The following ZNF207 variants were observed in gnomAD, a reference collection of about 807,000 sequenced individuals.
ZNF207 encodes zinc finger protein 207.
A neutral mutation model predicts 60.2 loss-of-function variants in ZNF207; 24 were observed. The ratio of observed to expected loss-of-function variants is 0.40; its 90% CI spans 0.29 to 0.56. The LOEUF (loss-of-function observed/expected upper bound fraction) is 0.56, where lower values mean the gene tolerates loss of function less well. ZNF207 is among the 20% of genes least tolerant of loss of function. ZNF207 has a pLI of 0.49. For missense variants in ZNF207, 452 were observed against 636.6 expected (o/e 0.71, Z 3.12); for synonymous variants, 236 against 194.7 (o/e 1.21, Z -1.77).
At chr17:32,352,098 G>A (rs2041518702) in intron 2 of ZNF207, among the ~76,000 whole-genome samples, 186 bp downstream of exon 2, 2 of 152,138 alleles carry the variant, frequency 1.3e-5, no homozygotes, top group Admixed American at 6.6e-5. Context: ...CTCCGGAGTA[G>A]TTGGGACTAC....
At chr17:32,361,967 T>G (rs1275075689) in intron 6 of ZNF207, among the ~76,000 whole-genome samples, 2 of 152,172 alleles carry the variant, frequency 1.3e-5, no homozygotes, top group African/African-American at 4.8e-5. Context: ...TTAAGTGAAT[T>G]GGACACTGAT....
At position 32,362,958 on chromosome 17, in the gene ZNF207, C is replaced by T; in HGVS notation, c.644C>T (p.Pro215Leu). Residue 215 changes from proline to leucine, a missense_variant, in exon 7 of 12, where the codon CCA becomes CTA. Coordinates refer to ENST00000394670, the MANE Select transcript of ZNF207 (RefSeq NM_001098507.2). ...GGMMPPGPGIPPLMPGMPPGM... is the reference protein window; with the variant it reads ...GGMMPPGPGILPLMPGMPPGM... ...ATGATGCCACCTGGACCAGGAATAC[C>T]ACCTCTGATGCCTGGAATGCCACCA... 1.9e-6 allele frequency: 3 copies of T among 1,613,152 alleles called. No homozygotes were observed. Among genetic ancestry groups the T allele is most frequent in the Non-Finnish European group, 2.5e-6 (3 of 1,179,898 alleles).
At chr17:32,360,860 G>A (rs184832252) in intron 4 of ZNF207, 32 bp from the exon 5 acceptor site, 11 of 1,613,258 alleles carry the variant, frequency 6.8e-6, no homozygotes, top group Non-Finnish European at 8.5e-6. Flanking sequence ...TTTAATATTT[G>A]TTATTATTTT....
In ZNF207 at chr17:32,367,861, A is replaced by G. The variant is rs1905274982; in HGVS notation, c.1011A>G (p.Thr337=). The G allele has an allele frequency of 5.6e-6, 9 of 1,614,064 alleles. No homozygotes were observed. The highest frequency in any genetic ancestry group is 7.6e-6 in the Non-Finnish European group (9 of 1,180,040). ...PATTTEPPKP[T]FPAYTQSTAS... is the part of the protein sequence containing the mutation. ...CAACTACAGAACCCCCAAAGCCTACATTCCCTGCTTATACACAGTCTACAG... is the reference window on the plus strand; with the variant it reads ...CAACTACAGAACCCCCAAAGCCTACGTTCCCTGCTTATACACAGTCTACAG... Residue 337 remains threonine, a synonymous_variant, in exon 10 of 12, where the codon ACA becomes ACG. Coordinates refer to ENST00000394670, the MANE Select transcript of ZNF207 (RefSeq NM_001098507.2).
At chr17:32,363,751 A>C (rs1361644711) in intron 7 of ZNF207, among the ~76,000 whole-genome samples, 1 of 150,454 alleles carries the variant, frequency 6.6e-6, no homozygotes, top group African/African-American at 2.4e-5. Context: ...AGCTGGTCTC[A>C]AACTCCTGAC....
chr17:32,350,534 ACT>A (rs1316173145), intron 1 of ZNF207, among the ~76,000 whole-genome samples: 20 of 151,844 alleles, frequency 1.3e-4, no homozygotes, highest in African/African-American at 4.8e-4. Flanking sequence ...GGGTCGTGTG[ACT>A]CTGTGACTCA....
At position 32,366,761 on chromosome 17, in the gene ZNF207, C is replaced by T. The variant is rs1360367938; in HGVS notation, c.921+4C>T. ...TCTGTTTCCTAGCACAGCACAAGTA[C>T]GCAGGAAGTTGCAGTTTAAAATTGT... is the stretch of plus-strand genomic sequence containing the variant. On this transcript the variant is annotated splice_donor_region_variant and intron_variant, in intron 9 of 11. Coordinates refer to ENST00000394670, the MANE Select transcript of ZNF207 (RefSeq NM_001098507.2). 5 of 1,594,130 alleles carry T rather than the reference C, an allele frequency of 3.1e-6. No individual in the cohort carries two copies. In the South Asian group the frequency reaches 3.4e-5, roughly 11 times the overall value.
rs1226389293 is a variant in ZNF207, at chr17:32,365,629, G to A, written c.828+142G>A. On this transcript the variant is annotated intron_variant, in intron 8 of 11. Transcript: ENST00000394670. ...TATTTATTAAATATACTAAAAGGTGGCTTATCCACTTCCATGTTTACACAC... is the reference window on the plus strand; with the variant it reads ...TATTTATTAAATATACTAAAAGGTGACTTATCCACTTCCATGTTTACACAC... 4.1e-6 allele frequency: 3 copies of A among 728,742 alleles called. No homozygotes were observed. The Admixed American group carries it at 1.3e-4, about 32-fold the overall frequency. 45.1% of individuals were successfully genotyped at this position (728,742 alleles called of 1,614,324 possible).
At chr17:32,365,237 A>T in intron 7 of ZNF207, 93 bp from the exon 8 acceptor site, 1 of 1,321,356 alleles carries the variant, frequency 7.6e-7, no homozygotes, top group South Asian at 1.4e-5. Flanking sequence ...GTCATTGAGC[A>T]GTTAATTGTT....
At chr17:32,369,498 GT>G (rs763568955) in intron 11 of ZNF207, 44 bp downstream of exon 11, 1 of 1,605,872 alleles carries the variant, frequency 6.2e-7, no homozygotes, top group Non-Finnish European at 8.5e-7. Context: ...GATTTTCTAA[GT>G]TCACGCATAA....
chr17:32,369,290 C>T lies in ZNF207; in HGVS notation c.1165-5C>T, dbSNP rs199829684. 4 of 1,613,254 alleles carry T rather than the reference C, an allele frequency of 2.5e-6. No homozygotes were observed. In the Admixed American group the frequency reaches 6.7e-5, roughly 27 times the overall value. ...ATTTAGCCCTGCGCTTATTTTTATT[C>T]CCAGGAAGAGAGAAGGGCACAGTTA... On this transcript the variant is annotated splice_region_variant and splice_polypyrimidine_tract_variant and intron_variant, in intron 10 of 11. Coordinates refer to ENST00000394670, the MANE Select transcript of ZNF207 (RefSeq NM_001098507.2).
Position 32,361,389 on chromosome 17 carries a change from G to A in ZNF207, c.552-79G>A, listed in dbSNP as rs533676723. On this transcript the variant is annotated intron_variant, in intron 5 of 11. Transcript: ENST00000394670. ...CACTTTTACTTAAATATTGTTGGAT[G>A]TGAGAGGTATACAATACACTTTCCC... is the stretch of plus-strand genomic sequence containing the variant. 5.8e-6 allele frequency: 7 copies of A among 1,196,630 alleles called. No homozygotes were observed. In the African/African-American group the frequency reaches 9.2e-5, roughly 16 times the overall value. The allele number at this position is 1,196,630 out of a possible 1,614,324, so 74.1% of individuals were successfully genotyped here.
rs1286009653 is a variant in ZNF207, at chr17:32,362,120, TA to T, written c.599+616del. On this transcript the variant is annotated intron_variant, in intron 6 of 11. Coordinates refer to ENST00000394670, the MANE Select transcript of ZNF207 (RefSeq NM_001098507.2). ...TTTTGGTGGTAGTATTTCCTTTCTC[TA>T]AAAAAAAAAAGTGTGTGTGTGTGTG... is the stretch of plus-strand genomic sequence containing the variant. Among the ~76,000 whole-genome samples, 155 of 131,648 alleles carry T rather than the reference TA, an allele frequency of 1.2e-3. 3 individuals are homozygous for T. The highest frequency in any genetic ancestry group is 7.2e-3 in the East Asian group (36 of 4,986). 86.4% of individuals were successfully genotyped at this position (131,648 alleles called of 152,430 possible). A position where few individuals can be genotyped will look rare whatever the true frequency, so the allele number is the denominator to read the frequency against.
At chr17:32,357,351 A>T (rs12603888) in intron 2 of ZNF207, among the ~76,000 whole-genome samples, 30,862 of 72,584 alleles carry the variant, frequency 0.43, 5,479 homozygotes, top group East Asian at 0.67. Context: ...TATTATTATT[A>T]TTTTTTTTTT....
intron 2 of ZNF207, among the ~76,000 whole-genome samples, chr17:32,355,347 C>G (rs1357557380): frequency 1.3e-5 from 2 of 152,176 alleles, no homozygotes; most frequent in Non-Finnish European, 2.9e-5. Flanking sequence ...CGTGATAGCA[C>G]TACTCAGCTC....
At position 32,370,868 on chromosome 17, in the gene ZNF207, G is replaced by T. The variant is rs574424298; in HGVS notation, c.*1109G>T. 6.6e-6 allele frequency: 1 copy of T among 152,280 alleles called. No individual in the cohort carries two copies. Among genetic ancestry groups the T allele is most frequent in the South Asian group, 2.1e-4 (1 of 4,826 alleles). The allele number at this position is 152,280 out of a possible 1,614,324, so 9.4% of individuals were successfully genotyped here. On this transcript the variant is annotated 3_prime_UTR_variant, in exon 12 of 12. Transcript: ENST00000394670. ...TATATATTATTCTAAGTGTAATGCT[G>T]AGAATCTAAATGTGTCTCTGTTGGG...
In ZNF207 at chr17:32,370,623, T is replaced by C. The variant is rs1905425367; in HGVS notation, c.*864T>C. ...TCTTTATAATCACCCTTCCACCCTC[T>C]ATGGTGTCAGTACACATCACGTGTC... On this transcript the variant is annotated 3_prime_UTR_variant, in exon 12 of 12. Transcript: ENST00000394670. The C allele has an allele frequency of 6.6e-6, 1 of 152,232 alleles. No individual in the cohort carries two copies. Among genetic ancestry groups the C allele is most frequent in the African/African-American group, 2.4e-5 (1 of 41,466 alleles). 9.4% of individuals were successfully genotyped at this position (152,232 alleles called of 1,614,324 possible). A position where few individuals can be genotyped will look rare whatever the true frequency, so the allele number is the denominator to read the frequency against.
chr17:32,367,908 A>C lies in ZNF207; in HGVS notation c.1058A>C (p.Asn353Thr), dbSNP rs775894094. The C allele has an allele frequency of 6.2e-7, 1 of 1,614,176 alleles. No individual in the cohort carries two copies. Among genetic ancestry groups the C allele is most frequent in the Admixed American group, 1.7e-5 (1 of 60,018 alleles). Residue 353 changes from asparagine (N) to threonine (T), a missense_variant, in exon 10 of 12, where the codon AAT (asparagine) becomes ACT (threonine). By Grantham distance (65) the Asn-to-Thr change is moderately conservative. Around this residue, in one of 2 missense-constraint regions of ZNF207, gnomAD observed 390 missense variants for 461.4 expected, o/e 0.85. Coordinates refer to ENST00000394670, the MANE Select transcript of ZNF207 (RefSeq NM_001098507.2). ...QSTASTTSTT[N>T]STAAKPAASI... is the part of the protein sequence containing the mutation. Reference sequence around the variant, plus strand: ...ACAGCTTCAACAACTAGTACAACAAATAGTACTGCAGCTAAACCAGCGGCT... The same window carrying C: ...ACAGCTTCAACAACTAGTACAACAACTAGTACTGCAGCTAAACCAGCGGCT...
chr17:32,351,965 G>A, intron 2 of ZNF207, 53 bp downstream of exon 2: 1 of 1,463,266 alleles, frequency 6.8e-7, no homozygotes, highest in Non-Finnish European at 9.1e-7. Flanking sequence ...GAAACAACTT[G>A]AAAGAATAAT....
Sources: allele counts gnomAD v4.1 joint callset (sites outside exome capture counted in the v4.1 genomes callset), GRCh38; gene constraint gnomAD v4.1.1; regional missense constraint gnomAD v4.1.1; transcripts MANE v1.5; gene names NCBI Gene and HGNC (gene_info 2026-07-23, HGNC 2026-07-21).